Variants in CARM1 observed in about 807,000 individuals in gnomAD.
The protein encoded by CARM1 is coactivator associated arginine methyltransferase 1.
A neutral mutation model predicts 72.7 loss-of-function variants in CARM1; 14 were observed. The observed-to-expected ratio is 0.19, with a 90% CI of 0.13 to 0.30. CARM1 has a LOEUF of 0.30. CARM1 is among the 10% of genes least tolerant of loss of function. CARM1 has a pLI of 1.00. For missense variants in CARM1, 432 were observed against 833.7 expected, an observed-to-expected ratio of 0.52 and a Z score of 5.93; for synonymous variants, 333 against 345.5, an observed-to-expected ratio of 0.96 and a Z score of 0.40.
At position 10,905,134 on chromosome 19, in the gene CARM1, G is replaced by A. The variant is rs1295456822; in HGVS notation, c.346+58G>A. 5 of 1,594,114 alleles carry A rather than the reference G, an allele frequency of 3.1e-6. No homozygotes were observed. In the Admixed American group the frequency reaches 6.7e-5, roughly 21 times the overall value. On this transcript the variant is annotated intron_variant, in intron 2 of 15. Transcript: ENST00000327064. ...AGCCCAAAGCGCCCAGAGCCCTGGTGGGCAGGGGCGTAGAGCCTGGCTGAG... is the reference window on the plus strand; with the variant it reads ...AGCCCAAAGCGCCCAGAGCCCTGGTAGGCAGGGGCGTAGAGCCTGGCTGAG...
chr19:10,921,384 G>A lies in CARM1; in HGVS notation c.1625G>A (p.Gly542Glu). Residue 542 changes from glycine to glutamate, a missense_variant, in exon 15 of 16, where the codon GGG (glycine) becomes GAG (glutamate). Transcript: ENST00000327064. ...CCCTCTCGCTGCGCAGCCAACACGG[G>A]GATTGTCAATCACACCCACTCCCGG... Reference protein sequence around the residue: ...HNNLIPLANTGIVNHTHSRMG... With the variant: ...HNNLIPLANTEIVNHTHSRMG... 9 of 1,609,966 alleles carry A rather than the reference G, an allele frequency of 5.6e-6. No individual in the cohort carries two copies. Among genetic ancestry groups the A allele is most frequent in the Non-Finnish European group, 6.8e-6 (8 of 1,178,916 alleles).
At chr19:10,874,747 C>T (rs536665312) in intron 1 of CARM1, among the ~76,000 whole-genome samples, 3 of 152,218 alleles carry the variant, frequency 2.0e-5, no homozygotes, top group East Asian at 1.9e-4. Flanking sequence ...CTTGGCCAGG[C>T]GTGGTGGCTC....
At chr19:10,872,687 G>A (rs2073828863) in intron 1 of CARM1, among the ~76,000 whole-genome samples, 1 of 152,130 alleles carries the variant, frequency 6.6e-6, no homozygotes, top group Non-Finnish European at 1.5e-5. Flanking sequence ...ATTTCACTGG[G>A]GGGAAAAGAA....
intron 1 of CARM1, among the ~76,000 whole-genome samples, chr19:10,872,351 G>A (rs1450983943): frequency 6.6e-6 from 1 of 152,126 alleles, no homozygotes; most frequent in Non-Finnish European, 1.5e-5. Context: ...GTGGGGCGTG[G>A]GCGGCCCGGG....
In CARM1 at chr19:10,920,520, C is replaced by G. The variant is rs201626054; in HGVS notation, c.1281C>G (p.Phe427Leu). The G allele has an allele frequency of 1.4e-5, 23 of 1,613,942 alleles. No homozygotes were observed. Among genetic ancestry groups the G allele is most frequent in the Non-Finnish European group, 1.9e-5 (23 of 1,179,938 alleles). Residue 427 changes from phenylalanine (F) to leucine (L), a missense_variant, in exon 11 of 16, where the codon TTC becomes TTG. Coordinates refer to ENST00000327064, the MANE Select transcript of CARM1 (RefSeq NM_199141.2). The surrounding 1 kb of genome is among the most constrained non-coding windows in gnomAD (Gnocchi z 5.3). ...QVRCLFQSPL[F>L]AKAGDTLSGT... ...GGTGCCTGTTCCAGTCACCACTGTT[C>G]GCCAAGGCAGGGGACACGCTCTCAG...
At position 10,921,834 on chromosome 19, in the gene CARM1, C is replaced by T; in HGVS notation, c.*77C>T. On this transcript the variant is annotated 3_prime_UTR_variant, in exon 16 of 16. Coordinates refer to ENST00000327064, the MANE Select transcript of CARM1 (RefSeq NM_199141.2). ...CGCCGCCCCCGCCGGGCGGCTTTCC[C>T]CCTTGTACTGGAGAAGCTCGAACAC... 1 of 1,424,832 alleles carries T rather than the reference C, an allele frequency of 7.0e-7. No homozygotes were observed. The highest frequency in any genetic ancestry group is 9.5e-7 in the Non-Finnish European group (1 of 1,049,926). The allele number at this position is 1,424,832 out of a possible 1,614,324, so 88.3% of individuals were successfully genotyped here. A position where few individuals can be genotyped will look rare whatever the true frequency, so the allele number is the denominator to read the frequency against.
chr19:10,915,355 G>T lies in CARM1; in HGVS notation c.848-1052G>T, dbSNP rs2074186774. ...AGATGGCAGTCAGGCTCTGTGGGCA[G>T]CTGCATGTGCCCCCGACGTCCCAGC... On this transcript the variant is annotated intron_variant, in intron 6 of 15. Transcript: ENST00000327064. The surrounding 1 kb of genome is among the most constrained non-coding windows in gnomAD (Gnocchi z 4.6). Among the ~76,000 whole-genome samples, 1 of 152,152 alleles carries T rather than the reference G, an allele frequency of 6.6e-6. No homozygotes were observed. Among genetic ancestry groups the T allele is most frequent in the Non-Finnish European group, 1.5e-5 (1 of 68,020 alleles).
chr19:10,883,543 G>A (rs2073917659), intron 1 of CARM1, among the ~76,000 whole-genome samples: 1 of 152,164 alleles, frequency 6.6e-6, no homozygotes, highest in Non-Finnish European at 1.5e-5. Flanking sequence ...CCACGGTGCC[G>A]GCCCTGCCAC....
chr19:10,879,298 G>A (rs959224040), intron 1 of CARM1, among the ~76,000 whole-genome samples: 1 of 152,202 alleles, frequency 6.6e-6, no homozygotes, highest in East Asian at 1.9e-4. Context: ...TCATTTTGTT[G>A]GCTAGAATGT....
chr19:10,921,977 CAA>C lies in CARM1; in HGVS notation c.*223_*224del, dbSNP rs1206971573. 1 of 499,006 alleles carries C rather than the reference CAA, an allele frequency of 2.0e-6. No individual in the cohort carries two copies. The highest frequency in any genetic ancestry group is 3.5e-6 in the Non-Finnish European group (1 of 282,238). The allele number at this position is 499,006 out of a possible 1,614,324, so 30.9% of individuals were successfully genotyped here. On this transcript the variant is annotated 3_prime_UTR_variant, in exon 16 of 16. Coordinates refer to ENST00000327064, the MANE Select transcript of CARM1 (RefSeq NM_199141.2). ...GCGTGTGTCGCTGCCATATTTTACA[CAA>C]AATCATGTTGTGGGAGCCCTCGTCC... is the stretch of plus-strand genomic sequence containing the variant.
At chr19:10,906,427 A>G (rs1330583494) in intron 2 of CARM1, among the ~76,000 whole-genome samples, 1 of 152,236 alleles carries the variant, frequency 6.6e-6, no homozygotes, top group Non-Finnish European at 1.5e-5. Context: ...ACTACCGCCC[A>G]TCTCCAGAAC....
intron 1 of CARM1, among the ~76,000 whole-genome samples, chr19:10,876,460 T>C (rs1347060525): frequency 6.6e-6 from 1 of 151,764 alleles, no homozygotes; most frequent in Non-Finnish European, 1.5e-5. Flanking sequence ...TGGGAGGGAG[T>C]CCTGGGCCAT....
At chr19:10,890,482 G>A (rs2073975606) in intron 1 of CARM1, among the ~76,000 whole-genome samples, 1 of 151,222 alleles carries the variant, frequency 6.6e-6, no homozygotes, top group African/African-American at 2.4e-5. Context: ...TGGCCAGACT[G>A]GTTTCAAACT....
chr19:10,874,251 G>A (rs965531814), intron 1 of CARM1, among the ~76,000 whole-genome samples: 2 of 151,980 alleles, frequency 1.3e-5, no homozygotes, highest in East Asian at 3.9e-4. Context: ...CCACCTGACC[G>A]GAAACATTCA....
At chr19:10,906,861 CTTTATTTTAT>C (rs58330229) in intron 2 of CARM1, among the ~76,000 whole-genome samples, 13,058 of 114,704 alleles carry the variant, frequency 0.11, 775 homozygotes, top group East Asian at 0.26. Context: ...ATAAATATAG[CTTTATTTTAT>C]TTTATTTTAT....
intron 1 of CARM1, among the ~76,000 whole-genome samples, chr19:10,891,680 C>T (rs1438687750): frequency 1.3e-5 from 2 of 152,362 alleles, no homozygotes; most frequent in East Asian, 1.9e-4. Flanking sequence ...GCGTAGACGC[C>T]GGCCCTCCCG....
At chr19:10,887,424 A>G (rs2073949947) in intron 1 of CARM1, among the ~76,000 whole-genome samples, 1 of 152,192 alleles carries the variant, frequency 6.6e-6, no homozygotes, top group African/African-American at 2.4e-5. Flanking sequence ...AGCAGCCTGC[A>G]GGTCCTGGGG....
intron 1 of CARM1, among the ~76,000 whole-genome samples, chr19:10,894,407 G>A (rs1289082897): frequency 1.3e-5 from 2 of 152,150 alleles, no homozygotes; most frequent in African/African-American, 2.4e-5. Context: ...GTTGGCCACG[G>A]GGGGTCGGGG....
At chr19:10,918,455 T>C (rs192012451) in intron 8 of CARM1, among the ~76,000 whole-genome samples, 58 of 152,228 alleles carry the variant, frequency 3.8e-4, no homozygotes, top group Admixed American at 6.5e-4. Flanking sequence ...ACTCCTGACC[T>C]CAGGTGATCC....
Sources: gnomAD v4.1 joint callset for allele counts (sites outside exome capture counted in the v4.1 genomes callset) on GRCh38, gnomAD v4.1.1 for gene constraint, Gnocchi (gnomAD v3.1) non-coding constraint, MANE v1.5 for transcripts, NCBI Gene and HGNC (gene_info 2026-07-23, HGNC 2026-07-21) for gene names.